The following FBN2 variants were observed in gnomAD, a reference collection of about 807,000 sequenced individuals.
The protein encoded by FBN2 is fibrillin-2.
FBN2 carries 105 observed loss-of-function variants against 355.6 expected under a neutral mutation model. That is an observed-to-expected ratio of 0.30 (90% CI 0.25 to 0.35). The LOEUF (loss-of-function observed/expected upper bound fraction) is 0.35. Ranked by LOEUF, FBN2 falls within the 10% of genes least tolerant of loss-of-function variation. FBN2 has a pLI of 1.00. For synonymous variants in FBN2, 1,350 were observed against 1,301.2 expected (o/e 1.04, Z -0.81); for missense variants, 3,280 against 3,758.7 (o/e 0.87, Z 3.33).
chr5:128,278,494 A>G, intron 57 of FBN2, 141 bp downstream of exon 57: 1 of 730,904 alleles, frequency 1.4e-6, no homozygotes, highest in South Asian at 1.6e-5. Context: ...ATATGAAAAC[A>G]CACATCAAAT....
At chr5:128,501,132 G>T (rs1755797950) in intron 5 of FBN2, among the ~76,000 whole-genome samples, 1 of 152,218 alleles carries the variant, frequency 6.6e-6, no homozygotes, top group South Asian at 2.1e-4. Context: ...TTTTCTGATA[G>T]CAATGGTGCA....
At chr5:128,438,362 C>T (rs1753830831) in intron 7 of FBN2, among the ~76,000 whole-genome samples, 1 of 152,214 alleles carries the variant, frequency 6.6e-6, no homozygotes, top group South Asian at 2.1e-4. Flanking sequence ...TAATAACCAT[C>T]TTTGATCTGT....
chr5:128,355,341 A>C (rs998588832), intron 20 of FBN2, among the ~76,000 whole-genome samples: 4 of 152,228 alleles, frequency 2.6e-5, no homozygotes, highest in African/African-American at 9.6e-5. Flanking sequence ...CAGCAGTATA[A>C]TGCAGGAAAT....
At chr5:128,339,345 T>C (rs907491938) in intron 25 of FBN2, among the ~76,000 whole-genome samples, 1 of 152,074 alleles carries the variant, frequency 6.6e-6, no homozygotes, top group Non-Finnish European at 1.5e-5. Context: ...AAGGGGGGCA[T>C]GGTGACTCAT....
chr5:128,392,368 T>C (rs1416823456), intron 10 of FBN2, among the ~76,000 whole-genome samples: 6 of 152,204 alleles, frequency 3.9e-5, no homozygotes, highest in African/African-American at 1.4e-4. Flanking sequence ...GATCTGAAAA[T>C]GCTGCCCTTA....
chr5:128,288,639 C>T, intron 52 of FBN2, 82 bp from the exon 53 acceptor site: 3 of 1,508,628 alleles, frequency 2.0e-6, no homozygotes, highest in Non-Finnish European at 9.1e-7. Context: ...GCTTGGCCCT[C>T]ACCCATTTCC....
chr5:128,467,588 T>C (rs1247727878), intron 5 of FBN2, among the ~76,000 whole-genome samples: 2 of 152,152 alleles, frequency 1.3e-5, no homozygotes, highest in Non-Finnish European at 2.9e-5. Context: ...TGATTGGCCA[T>C]GCATTCTCTT....
intron 6 of FBN2, among the ~76,000 whole-genome samples, chr5:128,447,243 A>T (rs1754090727): frequency 6.6e-6 from 1 of 152,220 alleles, no homozygotes; most frequent in Admixed American, 6.5e-5. Context: ...GATAACCATT[A>T]GGTCTGGCTG....
intron 15 of FBN2, 124 bp downstream of exon 15, chr5:128,374,504 G>T (rs1287334509): frequency 1.5e-5 from 20 of 1,311,812 alleles, no homozygotes; most frequent in Non-Finnish European, 2.2e-5. Flanking sequence ...TCTTTCCAAG[G>T]TTTATCCATG....
chr5:128,323,428 T>C (rs1185097539), intron 34 of FBN2, among the ~76,000 whole-genome samples: 1 of 152,208 alleles, frequency 6.6e-6, no homozygotes, highest in East Asian at 1.9e-4. Context: ...TTGAGATACA[T>C]TCCATCTATA....
chr5:128,291,793 A>G (rs754168290), intron 48 of FBN2, 139 bp from the exon 49 acceptor site: 14 of 910,004 alleles, frequency 1.5e-5, no homozygotes, highest in Non-Finnish European at 2.5e-5. Context: ...ATAAAAATAA[A>G]CTATTATTGC....
intron 48 of FBN2, among the ~76,000 whole-genome samples, chr5:128,296,592 C>A (rs1346415635): frequency 6.6e-6 from 1 of 152,152 alleles, no homozygotes; most frequent in East Asian, 1.9e-4. Context: ...AGGAATTTAT[C>A]CATTTCTTCT....
chr5:128,292,663 C>G (rs1003542755), intron 48 of FBN2, among the ~76,000 whole-genome samples: 2 of 152,180 alleles, frequency 1.3e-5, no homozygotes, highest in East Asian at 3.8e-4. Context: ...CCACGCTGAC[C>G]GCAGGCCTGA....
chr5:128,357,520 A>G (rs1751533637), intron 19 of FBN2, 125 bp from the exon 20 acceptor site: 5 of 1,128,448 alleles, frequency 4.4e-6, no homozygotes, highest in South Asian at 1.3e-5. Flanking sequence ...ATATGGATCT[A>G]TGAAGCATAA....
intron 58 of FBN2, 27 bp downstream of exon 58, chr5:128,277,853 C>T (rs1489400007): frequency 6.2e-7 from 1 of 1,613,934 alleles, no homozygotes; most frequent in Non-Finnish European, 8.5e-7. Context: ...CCCCCAAACC[C>T]CTGGATATAG....
chr5:128,494,720 A>C (rs1020449823), intron 5 of FBN2, among the ~76,000 whole-genome samples: 4 of 152,212 alleles, frequency 2.6e-5, no homozygotes, highest in Non-Finnish European at 5.9e-5. Flanking sequence ...GGGGGGCAGC[A>C]TGAAAGGCTT....
chr5:128,344,288 T>C, intron 25 of FBN2, 97 bp downstream of exon 25: 1 of 1,257,962 alleles, frequency 7.9e-7, no homozygotes, highest in South Asian at 1.3e-5. Context: ...ATTTTCATGT[T>C]CTCAATGAGA....
intron 6 of FBN2, among the ~76,000 whole-genome samples, chr5:128,456,523 T>C (rs1433759754): frequency 2.6e-5 from 4 of 152,118 alleles, no homozygotes. Context: ...AGACTCCTTA[T>C]AGAGGAGAGA....
chr5:128,289,490 G>A (rs374414862), intron 51 of FBN2, among the ~76,000 whole-genome samples: 11 of 152,146 alleles, frequency 7.2e-5, no homozygotes, highest in African/African-American at 2.7e-4. Flanking sequence ...TGGGGAGACT[G>A]AGGCAGGAGA....
Sources: allele counts gnomAD v4.1 joint callset (sites outside exome capture counted in the v4.1 genomes callset), GRCh38; gene constraint gnomAD v4.1.1; transcripts MANE v1.5; gene names NCBI Gene and HGNC (gene_info 2026-07-23, HGNC 2026-07-21).